UTP4: variants seen among roughly 807,000 people sequenced by gnomAD.
UTP4 encodes the protein UTP4 small subunit processome component.
UTP4 carries 45 observed loss-of-function variants against 82.4 expected under a neutral mutation model. The ratio of observed to expected loss-of-function variants is 0.55; its 90% CI spans 0.43 to 0.70. The LOEUF is 0.70. Ranked by LOEUF, UTP4 falls within the 30% of genes least tolerant of loss-of-function variation. The pLI is 0.00. For synonymous variants in UTP4, 348 were observed against 300.3 expected, an observed-to-expected ratio of 1.16 and a Z score of -1.64; for missense variants, 819 against 858.3, an observed-to-expected ratio of 0.95 and a Z score of 0.57.
At chr16:69,161,137 C>G (rs1260581557) in intron 13 of UTP4, among the ~76,000 whole-genome samples, 1 of 152,164 alleles carries the variant, frequency 6.6e-6, no homozygotes, top group Non-Finnish European at 1.5e-5. Context: ...ATAAGAGTTC[C>G]TTTCATGGCT....
chr16:69,144,756 G>A (rs1963061698), intron 6 of UTP4, among the ~76,000 whole-genome samples: 1 of 152,178 alleles, frequency 6.6e-6, no homozygotes, highest in African/African-American at 2.4e-5. Flanking sequence ...TCACACGTAA[G>A]TGATAATAGT....
intron 5 of UTP4, among the ~76,000 whole-genome samples, chr16:69,141,481 T>A (rs1027264346): frequency 2.0e-5 from 3 of 152,194 alleles, no homozygotes; most frequent in Admixed American, 6.6e-5. Flanking sequence ...AGGACCTGTT[T>A]TATTTTTTTT....
intron 15 of UTP4, chr16:69,165,857 C>G (rs751396102): frequency 2.3e-6 from 1 of 437,346 alleles, no homozygotes; most frequent in Non-Finnish European, 4.2e-6. Context: ...TGACCCTCAT[C>G]CGGAAGTATC....
At chr16:69,153,776 T>A in intron 9 of UTP4, 96 bp downstream of exon 9, 1 of 818,508 alleles carries the variant, frequency 1.2e-6, no homozygotes, top group Non-Finnish European at 2.1e-6. Context: ...AAAACTGAAG[T>A]AGACTTTTGT....
chr16:69,156,743 C>T (rs569009361), intron 11 of UTP4, among the ~76,000 whole-genome samples: 1 of 152,348 alleles, frequency 6.6e-6, no homozygotes. Context: ...AGGCATGAGA[C>T]ACTGCGCCCG....
intron 6 of UTP4, among the ~76,000 whole-genome samples, chr16:69,149,603 G>A (rs1432996964): frequency 6.6e-6 from 1 of 152,130 alleles, no homozygotes; most frequent in African/African-American, 2.4e-5. Context: ...ATGTTGTGCA[G>A]ACTGGTCTCC....
intron 2 of UTP4, among the ~76,000 whole-genome samples, chr16:69,135,299 T>C (rs1234797395): frequency 2.0e-5 from 3 of 152,178 alleles, no homozygotes; most frequent in Non-Finnish European, 2.9e-5. Flanking sequence ...CTGTTTTCTT[T>C]ATTCTTCAAC....
At chr16:69,140,405 C>A (rs1413418510) in intron 5 of UTP4, among the ~76,000 whole-genome samples, 1 of 152,118 alleles carries the variant, frequency 6.6e-6, no homozygotes, top group Non-Finnish European at 1.5e-5. Context: ...GTCTGTATTT[C>A]CGTCTGAGAT....
chr16:69,154,895 A>G (rs1234071360), intron 10 of UTP4, among the ~76,000 whole-genome samples: 3 of 151,806 alleles, frequency 2.0e-5, no homozygotes, highest in Non-Finnish European at 2.9e-5. Flanking sequence ...CGCCCGGCTA[A>G]TTTTTTGTAT....
chr16:69,143,410 G>T, intron 6 of UTP4, 21 bp downstream of exon 6: 1 of 1,609,148 alleles, frequency 6.2e-7, no homozygotes, highest in Non-Finnish European at 8.5e-7. Flanking sequence ...TCCCTGTTTA[G>T]AGTGGTTGAT....
intron 6 of UTP4, among the ~76,000 whole-genome samples, chr16:69,148,743 G>A (rs1963186119): frequency 6.6e-6 from 1 of 151,740 alleles, no homozygotes; most frequent in Admixed American, 6.6e-5. Context: ...CAAGTGGCTG[G>A]GACTACAGGC....
intron 11 of UTP4, among the ~76,000 whole-genome samples, chr16:69,156,463 C>CTT (rs895380237): frequency 3.4e-5 from 4 of 117,518 alleles, no homozygotes; most frequent in African/African-American, 1.3e-4. Context: ...CGCACCCAGC[C>CTT]TTTTTTTTTT....
chr16:69,163,790 C>T lies in UTP4; in HGVS notation c.1647+612C>T, dbSNP rs1963625838. Among the ~76,000 whole-genome samples the T allele has an allele frequency of 2.0e-5, 3 of 151,414 alleles. 1 individual carries two copies. In the South Asian group the frequency reaches 6.3e-4, roughly 32 times the overall value. The stretch of plus-strand genomic sequence containing the variant: ...TAAAATTGGAGATGTTAATATCTAC[C>T]TCACTGAGCTGTTGGGAAGATTAAA... On this transcript the variant is annotated intron_variant, in intron 14 of 16. Transcript: ENST00000314423.
At chr16:69,165,109 G>A (rs1011836603) in intron 14 of UTP4, among the ~76,000 whole-genome samples, 22 of 151,906 alleles carry the variant, frequency 1.4e-4, no homozygotes, top group Non-Finnish European at 2.6e-4. Flanking sequence ...GCAGGAGAAC[G>A]GCTTGAACCG....
At chr16:69,154,176 G>A (rs1014621301) in intron 9 of UTP4, among the ~76,000 whole-genome samples, 1 of 152,010 alleles carries the variant, frequency 6.6e-6, no homozygotes, top group Non-Finnish European at 1.5e-5. Flanking sequence ...AGAGCTTCAG[G>A]GAATTAGTGA....
At chr16:69,147,374 A>C (rs1277384973) in intron 6 of UTP4, among the ~76,000 whole-genome samples, 1 of 143,832 alleles carries the variant, frequency 7.0e-6, no homozygotes, top group Non-Finnish European at 1.5e-5. Flanking sequence ...GCGTGGCGGT[A>C]TGCGCCTGTA....
chr16:69,143,449 G>C, intron 6 of UTP4, 60 bp downstream of exon 6: 1 of 1,473,978 alleles, frequency 6.8e-7, no homozygotes, highest in Non-Finnish European at 9.5e-7. Context: ...AGTTGAGAAA[G>C]CAGCCTTAGT....
At chr16:69,139,675 T>TAAA (rs757182769) in intron 4 of UTP4, 150 bp from the exon 5 acceptor site, 1 of 292,606 alleles carries the variant, frequency 3.4e-6, no homozygotes, top group African/African-American at 2.3e-5. Flanking sequence ...AATAAATAAA[T>TAAA]AAATAAATAA....
chr16:69,150,511 A>G, intron 6 of UTP4, 26 bp from the exon 7 acceptor site: 257 of 1,427,428 alleles, frequency 1.8e-4, no homozygotes, highest in Non-Finnish European at 2.4e-4. Flanking sequence ...GCTTACGTGT[A>G]CCTCCCTCAT....
Sources: gnomAD v4.1 joint callset for allele counts (sites outside exome capture counted in the v4.1 genomes callset) on GRCh38, gnomAD v4.1.1 for gene constraint, MANE v1.5 for transcripts, NCBI Gene and HGNC (gene_info 2026-07-23, HGNC 2026-07-21) for gene names.